FGF12: variants seen among roughly 807,000 people sequenced by gnomAD.
FGF12 encodes fibroblast growth factor 12B.
In FGF12, 14 loss-of-function variants were observed where a neutral mutation model predicts 23.6. The observed-to-expected ratio is 0.59, with a 90% CI of 0.39 to 0.93. The LOEUF (loss-of-function observed/expected upper bound fraction) is 0.93. Ranked by LOEUF, FGF12 falls within the 40% of genes least tolerant of loss-of-function variation. The probability of loss-of-function intolerance (pLI) is 0.00; values close to 1 mark genes in which losing one functional copy is unlikely to be tolerated. For synonymous variants in FGF12, 62 were observed against 77.3 expected (o/e 0.80, Z 1.04); for missense variants, 175 against 217.8 (o/e 0.80, Z 1.24).
intron 5 of FGF12, among the ~76,000 whole-genome samples, chr3:192,158,395 C>T (rs201945543): frequency 0.018 from 1,329 of 72,732 alleles, 55 homozygotes; most frequent in African/African-American, 0.088. Context: ...TTCTTTCTCT[C>T]TCTTTCTTTT....
intron 2 of FGF12, among the ~76,000 whole-genome samples, chr3:192,503,706 T>C (rs148360330): frequency 0.093 from 13,945 of 149,980 alleles, 737 homozygotes; most frequent in Admixed American, 0.19. Flanking sequence ...CCCAGGTTCA[T>C]GCCATTCTCC....
At chr3:192,242,243 A>G (rs1201673134) in intron 4 of FGF12, among the ~76,000 whole-genome samples, 2 of 152,214 alleles carry the variant, frequency 1.3e-5, no homozygotes, top group Non-Finnish European at 2.9e-5. Context: ...AATAATATAA[A>G]TAAGTTTTAG....
chr3:192,237,119 T>G (rs1379320043), intron 4 of FGF12, among the ~76,000 whole-genome samples: 1 of 152,206 alleles, frequency 6.6e-6, no homozygotes. Flanking sequence ...TATGAAATTA[T>G]TGGCTGAAAT....
intron 4 of FGF12, among the ~76,000 whole-genome samples, chr3:192,198,425 GA>G (rs947469692): frequency 4.7e-5 from 7 of 149,136 alleles, no homozygotes; most frequent in African/African-American, 9.9e-5. Flanking sequence ...CTGAGCAAAT[GA>G]AAAAAAAAGC....
intron 4 of FGF12, among the ~76,000 whole-genome samples, chr3:192,328,239 T>G (rs530978844): frequency 6.6e-6 from 1 of 152,348 alleles, no homozygotes; most frequent in Non-Finnish European, 1.5e-5. Context: ...GAAGGTAATT[T>G]GTGTTTTCCT....
At chr3:192,383,096 C>A (rs556820975) in intron 2 of FGF12, among the ~76,000 whole-genome samples, 2 of 152,326 alleles carry the variant, frequency 1.3e-5, no homozygotes, top group East Asian at 3.9e-4. Context: ...AGTATGTAAT[C>A]ATGGCACAGA....
At chr3:192,200,664 C>T (rs994185031) in intron 4 of FGF12, among the ~76,000 whole-genome samples, 1 of 152,198 alleles carries the variant, frequency 6.6e-6, no homozygotes, top group African/African-American at 2.4e-5. Flanking sequence ...CAAACTCCGT[C>T]AGTACCTTGC....
At chr3:192,225,147 C>T (rs1718668079) in intron 4 of FGF12, among the ~76,000 whole-genome samples, 1 of 152,048 alleles carries the variant, frequency 6.6e-6, no homozygotes, top group Non-Finnish European at 1.5e-5. Context: ...GGATATTCTG[C>T]CAGCAAGTCT....
At chr3:192,195,173 A>T (rs969437284) in intron 4 of FGF12, among the ~76,000 whole-genome samples, 2 of 151,966 alleles carry the variant, frequency 1.3e-5, no homozygotes, top group Non-Finnish European at 2.9e-5. Flanking sequence ...AACAAAACAA[A>T]TTTTTTTTAT....
chr3:192,623,754 A>G (rs1231324100), intron 2 of FGF12, among the ~76,000 whole-genome samples: 3 of 152,172 alleles, frequency 2.0e-5, no homozygotes, highest in Non-Finnish European at 4.4e-5. Flanking sequence ...CCAGAGACCA[A>G]GGAAGTCCAA....
At chr3:192,308,166 A>G (rs886657184) in intron 4 of FGF12, among the ~76,000 whole-genome samples, 3 of 152,122 alleles carry the variant, frequency 2.0e-5, no homozygotes, top group African/African-American at 7.2e-5. Context: ...AATGAAAACC[A>G]CTCTCCAACG....
chr3:192,460,493 T>C (rs1722827665), intron 2 of FGF12, among the ~76,000 whole-genome samples: 1 of 151,994 alleles, frequency 6.6e-6, no homozygotes, highest in Non-Finnish European at 1.5e-5. Flanking sequence ...GAATCAACTC[T>C]GAAACAAATG....
intron 2 of FGF12, among the ~76,000 whole-genome samples, chr3:192,653,427 T>G (rs1716284332): frequency 6.6e-6 from 1 of 152,196 alleles, no homozygotes; most frequent in Non-Finnish European, 1.5e-5. Flanking sequence ...TCGCTTTCTG[T>G]GCCCATCAAA....
At position 192,727,225 on chromosome 3, in the gene FGF12, T is replaced by G; in HGVS notation, c.-32A>C. On this transcript the variant is annotated 5_prime_UTR_variant, in exon 2 of 6. Coordinates refer to ENST00000445105, the MANE Select transcript of FGF12 (RefSeq NM_004113.6). ...CCCTTTCGAGTGCTGGGAAGTTCAA[T>G]GGAAGTTGGCCGGAAGATGTGGGCC... The G allele has an allele frequency of 6.4e-7, 1 of 1,574,302 alleles. No homozygotes were observed. Among genetic ancestry groups the G allele is most frequent in the Non-Finnish European group, 8.6e-7 (1 of 1,159,644 alleles).
chr3:192,609,562 T>C (rs1714473281), intron 2 of FGF12, among the ~76,000 whole-genome samples: 1 of 152,088 alleles, frequency 6.6e-6, no homozygotes, highest in South Asian at 2.1e-4. Context: ...ATTCCTAATA[T>C]CTTGCAAGTA....
At chr3:192,366,713 A>G (rs1361213841) in intron 2 of FGF12, among the ~76,000 whole-genome samples, 2 of 152,194 alleles carry the variant, frequency 1.3e-5, no homozygotes, top group East Asian at 3.9e-4. Flanking sequence ...GAGGGTATAA[A>G]TGACTGTCAT....
chr3:192,551,012 C>A (rs1197770737), intron 2 of FGF12, among the ~76,000 whole-genome samples: 1 of 152,066 alleles, frequency 6.6e-6, no homozygotes, highest in Non-Finnish European at 1.5e-5. Flanking sequence ...TAAATAAAAA[C>A]AACACTTCTG....
At chr3:192,704,293 T>C (rs1016504636) in intron 2 of FGF12, among the ~76,000 whole-genome samples, 2 of 152,226 alleles carry the variant, frequency 1.3e-5, no homozygotes, top group Non-Finnish European at 2.9e-5. Flanking sequence ...TGATCATTCA[T>C]GGATCATAAC....
chr3:192,605,418 A>G lies in FGF12; in HGVS notation c.13+121763T>C, dbSNP rs138678409. On this transcript the variant is annotated intron_variant, in intron 2 of 5. Coordinates refer to ENST00000445105, the MANE Select transcript of FGF12 (RefSeq NM_004113.6). The stretch of plus-strand genomic sequence containing the variant: ...AAAATCCTAGAAGAAAACCCAGGAA[A>G]CACTGTTTTGTACATTGGCTTGGCC... Among the ~76,000 whole-genome samples the G allele has an allele frequency of 4.0e-3, 613 of 152,044 alleles. 8 individuals are homozygous for G. Among genetic ancestry groups the G allele is most frequent in the African/African-American group, 0.014 (578 of 41,494 alleles).
Sources: allele counts gnomAD v4.1 joint callset (sites outside exome capture counted in the v4.1 genomes callset), GRCh38; gene constraint gnomAD v4.1.1; transcripts MANE v1.5; gene names NCBI Gene and HGNC (gene_info 2026-07-23, HGNC 2026-07-21).